The following RHBDD1 variants were observed in gnomAD, a reference collection of about 807,000 sequenced individuals.
RHBDD1 encodes the protein rhomboid domain containing 1, also known as rhomboid-related protein 4.
A neutral mutation model predicts 36.3 loss-of-function variants in RHBDD1; 38 were observed. The observed-to-expected ratio is 1.05, with a 90% CI of 0.81 to 1.37. The LOEUF (loss-of-function observed/expected upper bound fraction) is 1.37, where lower values mean the gene tolerates loss of function less well. RHBDD1 is among the 40% of genes most tolerant of loss of function. The probability of loss-of-function intolerance (pLI) is 0.00; values close to 1 mark genes in which losing one functional copy is unlikely to be tolerated. For synonymous variants in RHBDD1, 151 were observed against 136.5 expected (o/e 1.11, Z -0.74); for missense variants, 393 against 377.6 (o/e 1.04, Z -0.34).
In RHBDD1 at chr2:226,996,432, C is replaced by A. The variant is rs1959299724; in HGVS notation, c.*910C>A. The A allele has an allele frequency of 6.6e-6, 1 of 152,222 alleles. No individual in the cohort carries two copies. The highest frequency in any genetic ancestry group is 2.4e-5 in the African/African-American group (1 of 41,454). 9.4% of individuals were successfully genotyped at this position (152,222 alleles called of 1,614,324 possible). A position where few individuals can be genotyped will look rare whatever the true frequency, so the allele number is the denominator to read the frequency against. On this transcript the variant is annotated 3_prime_UTR_variant, in exon 9 of 9. Transcript: ENST00000392062. ...CCTAGCCAAATGTCCAAAACACGCC[C>A]TTGGGCCCCGCCACGTTACAATCCA... is the stretch of plus-strand genomic sequence containing the variant.
chr2:226,835,963 C>G (rs937222611), upstream of RHBDD1: 2 of 152,670 alleles, frequency 1.3e-5, no homozygotes, highest in East Asian at 1.9e-4. Context: ...GCGGCCGAGC[C>G]GTCCGCTTTA....
chr2:226,929,695 G>A (rs1949897629), intron 8 of RHBDD1, among the ~76,000 whole-genome samples: 1 of 151,788 alleles, frequency 6.6e-6, no homozygotes, highest in Non-Finnish European at 1.5e-5. Flanking sequence ...ATTAGAGAGA[G>A]TCAAAATGTC....
intron 6 of RHBDD1, 136 bp downstream of exon 6, chr2:226,907,017 GAAAGGTAA>G: frequency 1.1e-6 from 1 of 903,848 alleles, no homozygotes; most frequent in East Asian, 2.6e-5. Context: ...TTTTTAAACC[GAAAGGTAA>G]AACAACCAGT....
chr2:226,836,720 T>A (rs1362332877), intron 1 of RHBDD1, among the ~76,000 whole-genome samples: 1 of 152,224 alleles, frequency 6.6e-6, no homozygotes, highest in Non-Finnish European at 1.5e-5. Context: ...GATTCAATTA[T>A]CGAGGTGTTT....
At chr2:226,908,541 A>G in intron 6 of RHBDD1, 1 of 363,986 alleles carries the variant, frequency 2.7e-6, no homozygotes, top group Non-Finnish European at 5.1e-6. Context: ...GGCAAAGACT[A>G]AGGAACTTCA....
At chr2:226,919,345 ATTTTTGC>A (rs1222461610) in intron 8 of RHBDD1, among the ~76,000 whole-genome samples, 1 of 151,748 alleles carries the variant, frequency 6.6e-6, no homozygotes, top group Non-Finnish European at 1.5e-5. Context: ...CCATTTGCTG[ATTTTTGC>A]TTTTTGACCT....
chr2:226,816,803 G>A, the RHBDD1 span, among the ~76,000 whole-genome samples: 1 of 152,184 alleles, frequency 6.6e-6, no homozygotes, highest in South Asian at 2.1e-4. Context: ...GGCTGAGGCA[G>A]GAGAATCATT....
At chr2:226,913,620 A>AT (rs759356445) in intron 7 of RHBDD1, among the ~76,000 whole-genome samples, 17 of 150,734 alleles carry the variant, frequency 1.1e-4, no homozygotes, top group South Asian at 2.1e-4. Flanking sequence ...TCTAGCAACC[A>AT]TTTTTTTTTG....
intron 3 of RHBDD1, among the ~76,000 whole-genome samples, chr2:226,856,242 A>C (rs908969235): frequency 2.0e-5 from 3 of 152,358 alleles, no homozygotes; most frequent in African/African-American, 7.2e-5. Context: ...TGTTTTGCAT[A>C]TAGCAAAGCT....
At chr2:226,894,167 C>T (rs1416437965) in intron 5 of RHBDD1, among the ~76,000 whole-genome samples, 2 of 152,172 alleles carry the variant, frequency 1.3e-5, no homozygotes, top group Non-Finnish European at 2.9e-5. Context: ...CACCTGCATT[C>T]GTTATTCCCA....
At chr2:226,895,545 C>A in intron 5 of RHBDD1, 1 of 343,364 alleles carries the variant, frequency 2.9e-6, no homozygotes, top group Non-Finnish European at 4.1e-6. Context: ...CAGAATCTCA[C>A]TGACTCTTTA....
At chr2:226,843,315 G>C (rs564071180) in intron 3 of RHBDD1, among the ~76,000 whole-genome samples, 103 of 152,310 alleles carry the variant, frequency 6.8e-4, no homozygotes, top group Middle Eastern at 6.8e-3. Context: ...TGTTGAATAG[G>C]AGTGGTGGGA....
At chr2:226,931,903 A>C (rs1017794630) in intron 8 of RHBDD1, among the ~76,000 whole-genome samples, 4 of 151,962 alleles carry the variant, frequency 2.6e-5, no homozygotes, top group Non-Finnish European at 5.9e-5. Flanking sequence ...TTGACTTTAT[A>C]GATCAGTTTG....
chr2:226,843,770 AT>A (rs1355516231), intron 3 of RHBDD1, among the ~76,000 whole-genome samples: 2 of 152,210 alleles, frequency 1.3e-5, no homozygotes, highest in Non-Finnish European at 1.5e-5. Flanking sequence ...TGGTATCAGC[AT>A]AATGCTGGCT....
intron 8 of RHBDD1, among the ~76,000 whole-genome samples, chr2:226,934,380 AT>A (rs1312773125): frequency 6.6e-6 from 1 of 152,000 alleles, no homozygotes; most frequent in East Asian, 1.9e-4. Context: ...CTAATGACAC[AT>A]TTTTTCAGAA....
At chr2:226,892,308 A>T (rs1946753387) in intron 5 of RHBDD1, among the ~76,000 whole-genome samples, 1 of 152,140 alleles carries the variant, frequency 6.6e-6, no homozygotes, top group African/African-American at 2.4e-5. Flanking sequence ...TCATAGTCAG[A>T]ATTTTTATTC....
chr2:226,993,341 G>A (rs1298842497), intron 8 of RHBDD1, among the ~76,000 whole-genome samples: 1 of 152,192 alleles, frequency 6.6e-6, no homozygotes, highest in Non-Finnish European at 1.5e-5. Flanking sequence ...TTCTGACTCT[G>A]CCCTCAGCTA....
chr2:226,908,271 T>A (rs927701682), intron 6 of RHBDD1: 3 of 152,212 alleles, frequency 2.0e-5, no homozygotes, highest in African/African-American at 7.2e-5. Context: ...ATGTGGAAGC[T>A]GCTGTCTGAT....
At chr2:226,884,899 A>C (rs1409228026) in intron 5 of RHBDD1, among the ~76,000 whole-genome samples, 1 of 152,160 alleles carries the variant, frequency 6.6e-6, no homozygotes, top group African/African-American at 2.4e-5. Context: ...ATGAACACAA[A>C]AATAGTAGGC....
Sources: allele counts gnomAD v4.1 joint callset (sites outside exome capture counted in the v4.1 genomes callset), GRCh38; gene constraint gnomAD v4.1.1; transcripts MANE v1.5; gene names NCBI Gene and HGNC (gene_info 2026-07-23, HGNC 2026-07-21).